The following CDH4 variants were observed in gnomAD, a reference collection of about 807,000 sequenced individuals.
CDH4 encodes cadherin-4.
In CDH4, 33 loss-of-function variants were observed where a neutral mutation model predicts 86.0. That is an observed-to-expected ratio of 0.38 (90% CI 0.29 to 0.51). The LOEUF is 0.51. Ranked by LOEUF, CDH4 falls within the 20% of genes least tolerant of loss-of-function variation. CDH4 has a pLI of 0.86. For synonymous variants in CDH4, 555 were observed against 549.4 expected, an observed-to-expected ratio of 1.01 and a Z score of -0.14; for missense variants, 1,114 against 1,307.4, an observed-to-expected ratio of 0.85 and a Z score of 2.28.
intron 2 of CDH4, among the ~76,000 whole-genome samples, chr20:61,381,520 C>T (rs2084900699): frequency 6.6e-6 from 1 of 152,134 alleles, no homozygotes; most frequent in African/African-American, 2.4e-5. Context: ...GAACATGTGA[C>T]CCTTTCCCCA....
rs546722434 is a variant in CDH4 at position 61,526,637 on chromosome 20, A to C, written c.170-216926A>C. Among the ~76,000 whole-genome samples, 24 of 135,146 alleles carry C rather than the reference A, an allele frequency of 1.8e-4. 1 individual carries two copies. The South Asian group carries it at 7.0e-3, about 39-fold the overall frequency. 88.7% of individuals were successfully genotyped at this position (135,146 alleles called of 152,430 possible). On this transcript the variant is annotated intron_variant, in intron 2 of 15. Coordinates refer to ENST00000614565, the MANE Select transcript of CDH4 (RefSeq NM_001794.5). ...AGCATTAGGTATATCTCCCAATGCT[A>C]TCCCTCCCCCCTCCCCCCACCCCAT...
rs372521090 is a variant in CDH4 at position 61,367,867 on chromosome 20, C to CTTTTTTTTTTTTT, written c.169+112939_169+112951dup. Reference sequence around the variant, plus strand: ...GCCTGGAAATGCCTTTCTCCAGGATCTTTTTTTTTTTTTTTTTTTTTGAGA... The same window carrying CTTTTTTTTTTTTT: ...GCCTGGAAATGCCTTTCTCCAGGATCTTTTTTTTTTTTTTTTTTTTTTTTTTTTTTTTTTGAGA... On this transcript the variant is annotated intron_variant, in intron 2 of 15. Coordinates refer to ENST00000614565, the MANE Select transcript of CDH4 (RefSeq NM_001794.5). Among the ~76,000 whole-genome samples, 2 of 119,078 alleles carry CTTTTTTTTTTTTT rather than the reference C, an allele frequency of 1.7e-5. 1 individual carries two copies. The highest frequency in any genetic ancestry group is 3.4e-5 in the Non-Finnish European group (2 of 59,436). 78.1% of individuals were successfully genotyped at this position (119,078 alleles called of 152,430 possible).
chr20:61,562,669 T>C (rs1040732853), intron 2 of CDH4, among the ~76,000 whole-genome samples: 8 of 152,364 alleles, frequency 5.3e-5, no homozygotes, highest in East Asian at 3.9e-4. Flanking sequence ...CACCTGTGGT[T>C]GAACAGAGCA....
intron 2 of CDH4, among the ~76,000 whole-genome samples, chr20:61,317,097 G>A (rs6101307): frequency 0.027 from 4,137 of 151,184 alleles, 157 homozygotes; most frequent in African/African-American, 0.088. Context: ...TATATTTCCT[G>A]GCCAGGTGCG....
At position 61,684,991 on chromosome 20, in the gene CDH4, T is replaced by C. The variant is rs2145863160; in HGVS notation, c.170-58572T>C. Among the ~76,000 whole-genome samples the C allele has an allele frequency of 6.6e-6, 1 of 152,290 alleles. No homozygotes were observed. The highest frequency in any genetic ancestry group is 2.1e-4 in the South Asian group (1 of 4,828). Reference sequence around the variant, plus strand: ...GTTCCATGTATAGTGTAGAGTTGAGTATATGTTACAGAGAGCAACTGTTGC... The same window carrying C: ...GTTCCATGTATAGTGTAGAGTTGAGCATATGTTACAGAGAGCAACTGTTGC... On this transcript the variant is annotated intron_variant, in intron 2 of 15. Coordinates refer to ENST00000614565, the MANE Select transcript of CDH4 (RefSeq NM_001794.5). The surrounding 1 kb of genome is among the most constrained non-coding windows in gnomAD (Gnocchi z 4.5).
At chr20:61,886,193 A>G (rs1196627989) in intron 7 of CDH4, among the ~76,000 whole-genome samples, 1 of 152,220 alleles carries the variant, frequency 6.6e-6, no homozygotes, top group African/African-American at 2.4e-5. Flanking sequence ...GGCAGCATCC[A>G]GGAGAACTTC....
intron 2 of CDH4, among the ~76,000 whole-genome samples, chr20:61,560,828 G>T (rs16985219): frequency 1.3e-5 from 2 of 152,290 alleles, no homozygotes; most frequent in African/African-American, 4.8e-5. Context: ...CCTGGCCTTC[G>T]CAGCGGGAGC....
intron 7 of CDH4, among the ~76,000 whole-genome samples, chr20:61,888,203 C>T (rs1389880236): frequency 6.6e-6 from 1 of 152,180 alleles, no homozygotes; most frequent in Non-Finnish European, 1.5e-5. Flanking sequence ...ACAGATGGGA[C>T]ATGGATGAAA....
chr20:61,624,105 T>C (rs1188164091), intron 2 of CDH4, among the ~76,000 whole-genome samples: 1 of 152,170 alleles, frequency 6.6e-6, no homozygotes, highest in Non-Finnish European at 1.5e-5. Context: ...TGAAGTGAAG[T>C]GAGCACGGTT....
At chr20:61,259,230 A>G (rs1214218578) in intron 2 of CDH4, among the ~76,000 whole-genome samples, 1 of 152,242 alleles carries the variant, frequency 6.6e-6, no homozygotes, top group African/African-American at 2.4e-5. Context: ...GATCAGATGC[A>G]GTGTCTGGAA....
intron 2 of CDH4, among the ~76,000 whole-genome samples, chr20:61,382,913 T>G (rs1294664363): frequency 3.3e-5 from 5 of 151,380 alleles, no homozygotes; most frequent in African/African-American, 9.7e-5. Context: ...TCCAGGTAAC[T>G]AGGGTTAGGA....
At chr20:61,645,790 T>A (rs1425659655) in intron 2 of CDH4, among the ~76,000 whole-genome samples, 1 of 151,904 alleles carries the variant, frequency 6.6e-6, no homozygotes, top group Non-Finnish European at 1.5e-5. Flanking sequence ...GGAAACTGAG[T>A]CACAGAGTGG....
intron 3 of CDH4, among the ~76,000 whole-genome samples, chr20:61,763,566 C>T (rs1441498161): frequency 6.6e-6 from 1 of 152,234 alleles, no homozygotes; most frequent in East Asian, 1.9e-4. Context: ...CTGCTATCTG[C>T]ATCTCTACCA....
intron 2 of CDH4, among the ~76,000 whole-genome samples, chr20:61,640,143 T>A (rs1272612522): frequency 6.6e-6 from 1 of 152,214 alleles, no homozygotes; most frequent in African/African-American, 2.4e-5. Context: ...AATAGCAAGA[T>A]CTCTCTAACT....
chr20:61,482,091 G>A (rs1386320855), intron 2 of CDH4, among the ~76,000 whole-genome samples: 5 of 152,112 alleles, frequency 3.3e-5, no homozygotes, highest in African/African-American at 1.2e-4. Context: ...TTAGAATCCC[G>A]CTTTGCTCTG....
At chr20:61,359,539 CTT>C (rs2084772640) in intron 2 of CDH4, among the ~76,000 whole-genome samples, 1 of 152,244 alleles carries the variant, frequency 6.6e-6, no homozygotes, top group Non-Finnish European at 1.5e-5. Flanking sequence ...TGGGCTGAGT[CTT>C]TGCTGTGTCC....
intron 2 of CDH4, among the ~76,000 whole-genome samples, chr20:61,580,565 G>A (rs2086418567): frequency 6.6e-6 from 1 of 152,172 alleles, no homozygotes; most frequent in Non-Finnish European, 1.5e-5. Flanking sequence ...ACCTTAACTA[G>A]CAGCGTGCAT....
intron 2 of CDH4, among the ~76,000 whole-genome samples, chr20:61,734,200 G>C (rs752854421): frequency 1.4e-4 from 21 of 152,238 alleles, no homozygotes; most frequent in Non-Finnish European, 2.8e-4. Context: ...CTGGGGGCTG[G>C]GGGGAGATGT....
intron 13 of CDH4, 130 bp downstream of exon 13, chr20:61,929,972 C>G: frequency 2.8e-6 from 2 of 703,718 alleles, no homozygotes; most frequent in Non-Finnish European, 4.8e-6. Flanking sequence ...CTGTCAGGAG[C>G]CTTTCAGAAA....
Sources: gnomAD v4.1 joint callset for allele counts (sites outside exome capture counted in the v4.1 genomes callset) on GRCh38, gnomAD v4.1.1 for gene constraint, Gnocchi (gnomAD v3.1) non-coding constraint, MANE v1.5 for transcripts, NCBI Gene and HGNC (gene_info 2026-07-23, HGNC 2026-07-21) for gene names.